ABHD17C: variants seen among roughly 807,000 people sequenced by gnomAD.
ABHD17C encodes the protein abhydrolase domain containing 17C, depalmitoylase, also known as alpha/beta hydrolase domain-containing protein 17C.
In ABHD17C, 11 loss-of-function variants were observed where a neutral mutation model predicts 27.9. That is an observed-to-expected ratio of 0.39 (90% confidence interval 0.25 to 0.65). The LOEUF (loss-of-function observed/expected upper bound fraction) is 0.65, where lower values mean the gene tolerates loss of function less well. ABHD17C is among the 30% of genes least tolerant of loss of function. The pLI is 0.45. For synonymous variants in ABHD17C, 233 were observed against 209.1 expected, an observed-to-expected ratio of 1.11 and a Z score of -0.98; for missense variants, 280 against 470.2, an observed-to-expected ratio of 0.60 and a Z score of 3.74.
rs77172048 is a variant in ABHD17C at position 80,748,309 on chromosome 15, G to A, written c.591-1204G>A. ...GTAAGCTGCAATACGTATTTATTCC[G>A]AAAAGGAGAATTGTTGGCTCACGGG... On this transcript the variant is annotated intron_variant, in intron 1 of 2. Transcript: ENST00000258884. Among the ~76,000 whole-genome samples, 650 of 152,260 alleles carry A rather than the reference G, an allele frequency of 4.3e-3. 3 individuals carry two copies. The highest frequency in any genetic ancestry group is 7.0e-3 in the Non-Finnish European group (477 of 68,018).
At chr15:80,741,879 A>G (rs1895216384) in intron 1 of ABHD17C, among the ~76,000 whole-genome samples, 4 of 152,208 alleles carry the variant, frequency 2.6e-5, no homozygotes, top group African/African-American at 9.7e-5. Context: ...CTACAATACT[A>G]TGACAATTGA....
At chr15:80,752,446 C>T (rs1411131064) in intron 2 of ABHD17C, among the ~76,000 whole-genome samples, 1 of 152,154 alleles carries the variant, frequency 6.6e-6, no homozygotes, top group Non-Finnish European at 1.5e-5. Flanking sequence ...GATGTTAGAG[C>T]TCTTTATTAT....
intron 1 of ABHD17C, among the ~76,000 whole-genome samples, chr15:80,702,313 A>G (rs964361491): frequency 6.6e-6 from 1 of 152,104 alleles, no homozygotes; most frequent in Non-Finnish European, 1.5e-5. Flanking sequence ...AGCCTGGGCA[A>G]CATAGTGAGA....
chr15:80,739,752 A>G (rs1405038917), intron 1 of ABHD17C, among the ~76,000 whole-genome samples: 1 of 152,168 alleles, frequency 6.6e-6, no homozygotes, highest in Non-Finnish European at 1.5e-5. Context: ...TGTTCTTTAT[A>G]AATTACTCAG....
chr15:80,696,744 TG>T (rs1433218532), intron 1 of ABHD17C, among the ~76,000 whole-genome samples: 1 of 152,162 alleles, frequency 6.6e-6, no homozygotes, highest in East Asian at 1.9e-4. Flanking sequence ...GTGTTTAGGG[TG>T]GGCCATCTGT....
Position 80,754,635 on chromosome 15 carries a change from AT to A in ABHD17C, c.*269del, listed in dbSNP as rs1218704934. 5 of 409,472 alleles carry A rather than the reference AT, an allele frequency of 1.2e-5. No homozygotes were observed. 25.4% of individuals were successfully genotyped at this position (409,472 alleles called of 1,614,324 possible). Reference sequence around the variant, plus strand: ...GGAATGAGAGCTGAATGTAGGGACAATTTTCTAGTGCTGTATAAAGTAGCCT... The same window carrying A: ...GGAATGAGAGCTGAATGTAGGGACAATTTCTAGTGCTGTATAAAGTAGCCT... On this transcript the variant is annotated 3_prime_UTR_variant, in exon 3 of 3. Coordinates refer to ENST00000258884, the MANE Select transcript of ABHD17C (RefSeq NM_021214.2).
At chr15:80,740,989 A>T (rs1895201527) in intron 1 of ABHD17C, among the ~76,000 whole-genome samples, 1 of 152,220 alleles carries the variant, frequency 6.6e-6, no homozygotes, top group Non-Finnish European at 1.5e-5. Context: ...ACATGGAAAC[A>T]GATCAGTAGT....
intron 2 of ABHD17C, among the ~76,000 whole-genome samples, chr15:80,751,926 A>G (rs1356857333): frequency 6.6e-6 from 1 of 152,244 alleles, no homozygotes; most frequent in Non-Finnish European, 1.5e-5. Context: ...TTGTTGCCAG[A>G]TGGCAGAATC....
At chr15:80,736,623 C>G (rs923982243) in intron 1 of ABHD17C, among the ~76,000 whole-genome samples, 1 of 152,156 alleles carries the variant, frequency 6.6e-6, no homozygotes, top group Admixed American at 6.5e-5. Context: ...ATTCACGTTA[C>G]CTTGTGTATT....
chr15:80,728,107 G>A (rs955322302), intron 1 of ABHD17C, among the ~76,000 whole-genome samples: 2 of 152,188 alleles, frequency 1.3e-5, no homozygotes, highest in African/African-American at 4.8e-5. Context: ...AATGGAGCTG[G>A]TGGCACCACC....
chr15:80,725,988 C>T (rs1336681619), intron 1 of ABHD17C, among the ~76,000 whole-genome samples: 1 of 152,118 alleles, frequency 6.6e-6, no homozygotes, highest in African/African-American at 2.4e-5. Context: ...GAGCCGAGAG[C>T]CCCGAACAGA....
chr15:80,708,816 C>T (rs746993557), intron 1 of ABHD17C, among the ~76,000 whole-genome samples: 28 of 152,242 alleles, frequency 1.8e-4, no homozygotes, highest in Non-Finnish European at 2.9e-4. Context: ...TACTGGGAGG[C>T]CTTGTTAAAA....
At position 80,754,686 on chromosome 15, in the gene ABHD17C, A is replaced by G. The variant is rs1490765030; in HGVS notation, c.*316A>G. 4 of 232,788 alleles carry G rather than the reference A, an allele frequency of 1.7e-5. No homozygotes were observed. The highest frequency in any genetic ancestry group is 9.0e-5 in the African/African-American group (4 of 44,230). 14.4% of individuals were successfully genotyped at this position (232,788 alleles called of 1,614,324 possible). On this transcript the variant is annotated 3_prime_UTR_variant, in exon 3 of 3. Coordinates refer to ENST00000258884, the MANE Select transcript of ABHD17C (RefSeq NM_021214.2). ...TCGCATCTGTTTCTCAACCTTATCC[A>G]TCATTTCTGACATTCATGCAGGACT...
At chr15:80,750,804 A>G (rs1299928484) in intron 2 of ABHD17C, among the ~76,000 whole-genome samples, 1 of 152,092 alleles carries the variant, frequency 6.6e-6, no homozygotes, top group Admixed American at 6.6e-5. Flanking sequence ...ATGAGAGGCC[A>G]GTTTGCTGAA....
intron 1 of ABHD17C, among the ~76,000 whole-genome samples, chr15:80,708,680 C>G (rs1047344315): frequency 1.3e-5 from 2 of 152,224 alleles, no homozygotes; most frequent in Admixed American, 1.3e-4. Flanking sequence ...CAGCTTCACT[C>G]ACTCCTTCCT....
Position 80,695,737 on chromosome 15 carries a change from A to G in ABHD17C, c.308A>G (p.Glu103Gly). 1 of 1,534,400 alleles carries G rather than the reference A, an allele frequency of 6.5e-7. No individual in the cohort carries two copies. Among genetic ancestry groups the G allele is most frequent in the Non-Finnish European group, 8.7e-7 (1 of 1,146,510 alleles). Reference sequence around the variant, plus strand: ...GCCGACTGGCAGTACTCGCAGCGCGAGCTGGACGCCGTCGAGGTCTTCTTC... The same window carrying G: ...GCCGACTGGCAGTACTCGCAGCGCGGGCTGGACGCCGTCGAGGTCTTCTTC... The part of the protein sequence containing the change: ...ERADWQYSQR[E>G]LDAVEVFFSR... The change falls in exon 1 of 3, where the codon GAG becomes GGG. Residue 103 changes from glutamate to glycine, a missense_variant. Transcript: ENST00000258884. This position sits in a 1 kb window ranked among gnomAD's most constrained non-coding sequence, Gnocchi z 4.3.
chr15:80,711,561 C>T (rs1394164584), intron 1 of ABHD17C, among the ~76,000 whole-genome samples: 1 of 152,180 alleles, frequency 6.6e-6, no homozygotes, highest in African/African-American at 2.4e-5. Context: ...AAAAACCCTC[C>T]TACTGACTCG....
intron 1 of ABHD17C, among the ~76,000 whole-genome samples, chr15:80,727,031 G>A (rs1439394815): frequency 1.3e-5 from 2 of 152,190 alleles, no homozygotes; most frequent in Non-Finnish European, 2.9e-5. Context: ...ATATATAGCT[G>A]TATTCAAATC....
At chr15:80,698,384 GA>G (rs902940762) in intron 1 of ABHD17C, among the ~76,000 whole-genome samples, 6 of 150,480 alleles carry the variant, frequency 4.0e-5, no homozygotes, top group African/African-American at 1.2e-4. Context: ...TTATAAAAAA[GA>G]AAAAAAAAGA....
Sources: gnomAD v4.1 joint callset for allele counts (sites outside exome capture counted in the v4.1 genomes callset) on GRCh38, gnomAD v4.1.1 for gene constraint, Gnocchi (gnomAD v3.1) non-coding constraint, MANE v1.5 for transcripts, NCBI Gene and HGNC (gene_info 2026-07-23, HGNC 2026-07-21) for gene names.